CARS2: variants seen among roughly 807,000 people sequenced by gnomAD.
CARS2 encodes the protein probable cysteine--tRNA ligase, mitochondrial.
Under a neutral mutation model 68.8 loss-of-function variants are expected in CARS2, and 52 were observed. The ratio of observed to expected loss-of-function variants is 0.76; its 90% CI spans 0.61 to 0.95. The LOEUF (loss-of-function observed/expected upper bound fraction) is 0.95, where lower values mean the gene tolerates loss of function less well. CARS2 is among the 40% of genes least tolerant of loss of function. CARS2 has a pLI of 0.00. For synonymous variants in CARS2, 314 were observed against 303.6 expected, an observed-to-expected ratio of 1.03 and a Z score of -0.36; for missense variants, 780 against 754.2, an observed-to-expected ratio of 1.03 and a Z score of -0.40.
chr13:110,679,278 C>T (rs1261393264), intron 6 of CARS2, among the ~76,000 whole-genome samples: 1 of 151,934 alleles, frequency 6.6e-6, no homozygotes, highest in Non-Finnish European at 1.5e-5. Context: ...ACCTAGAATC[C>T]CAGCACTTTG....
At chr13:110,709,073 CTCTTTTT>C (rs1419362861), upstream of CARS2, among the ~76,000 whole-genome samples, 20 of 146,800 alleles carry the variant, frequency 1.4e-4, no homozygotes, top group South Asian at 6.5e-4. Flanking sequence ...ATTCTCTTTT[CTCTTTTT>C]TCTTTTTTTT....
chr13:110,659,497 C>CTTTTTTT (rs34169536), intron 9 of CARS2, among the ~76,000 whole-genome samples: 1 of 147,786 alleles, frequency 6.8e-6, no homozygotes, highest in Non-Finnish European at 1.5e-5. Flanking sequence ...CCCAGATCTC[C>CTTTTTTT]TTTTTTTTTT....
At chr13:110,669,686 G>A (rs2062748194) in intron 7 of CARS2, among the ~76,000 whole-genome samples, 1 of 152,102 alleles carries the variant, frequency 6.6e-6, no homozygotes, top group African/African-American at 2.4e-5. Flanking sequence ...TCCAACTGAG[G>A]TACTGGCTTC....
In CARS2 at chr13:110,668,319, G is replaced by A. The variant is rs375157518; in HGVS notation, c.786-846C>T. Among the ~76,000 whole-genome samples the A allele has an allele frequency of 2.2e-4, 34 of 152,266 alleles. No homozygotes were observed. The highest frequency in any genetic ancestry group is 2.1e-3 in the South Asian group (10 of 4,822). On this transcript the variant is annotated intron_variant, in intron 7 of 14. Coordinates refer to ENST00000257347, the MANE Select transcript of CARS2 (RefSeq NM_024537.4). The surrounding 1 kb of genome is among the most constrained non-coding windows in gnomAD (Gnocchi z 4.1). ...AGCACTTTGGGAGGCTGAGGCAGGC[G>A]GATCACAAGGTCAGGAGATCGAGAC... is the stretch of plus-strand genomic sequence containing the variant.
chr13:110,659,165 C>T (rs2062442461), intron 9 of CARS2, among the ~76,000 whole-genome samples: 1 of 152,104 alleles, frequency 6.6e-6, no homozygotes, highest in South Asian at 2.1e-4. Context: ...CACACACGCT[C>T]ACCACTCCCA....
intron 2 of CARS2, among the ~76,000 whole-genome samples, chr13:110,704,364 C>T (rs953686935): frequency 2.6e-5 from 4 of 152,186 alleles, no homozygotes; most frequent in Admixed American, 1.3e-4. Flanking sequence ...AGAAAGATGT[C>T]GAAATATGCT....
chr13:110,687,842 G>A lies in CARS2; in HGVS notation c.466-16C>T, dbSNP rs1298645678. 1 of 1,581,730 alleles carries A rather than the reference G, an allele frequency of 6.3e-7. No individual in the cohort carries two copies. The highest frequency in any genetic ancestry group is 8.7e-7 in the Non-Finnish European group (1 of 1,151,608). ...GTGGGAGAACCTGCAAGGAAGTGGA[G>A]ACGTGACCGTGTTTCCCTCGTGAGA... On this transcript the variant is annotated splice_polypyrimidine_tract_variant and intron_variant, in intron 4 of 14. Transcript: ENST00000257347.
chr13:110,646,136 T>C lies in CARS2; in HGVS notation c.1194-46A>G, dbSNP rs746437073. ...AGTCACAGCAGAGGGAGCTCCACTC[T>C]CCCCAGGCGGCCCCCACACCAGTCC... On this transcript the variant is annotated intron_variant, in intron 11 of 14. Coordinates refer to ENST00000257347, the MANE Select transcript of CARS2 (RefSeq NM_024537.4). 1.3e-6 allele frequency: 2 copies of C among 1,578,842 alleles called. 1 individual carries two copies. The highest frequency in any genetic ancestry group is 1.7e-6 in the Non-Finnish European group (2 of 1,164,620).
intron 9 of CARS2, among the ~76,000 whole-genome samples, chr13:110,655,599 C>T (rs568152079): frequency 3.5e-4 from 54 of 152,322 alleles, no homozygotes; most frequent in Middle Eastern, 3.4e-3. Flanking sequence ...GAAAACTAAC[C>T]GCTGCTTCAG....
At chr13:110,711,318 T>A (rs2064025452), upstream of CARS2, among the ~76,000 whole-genome samples, 1 of 152,168 alleles carries the variant, frequency 6.6e-6, no homozygotes, top group Non-Finnish European at 1.5e-5. Flanking sequence ...TAGGTTCAAG[T>A]GATTCTGTCT....
Position 110,687,787 on chromosome 13 carries a change from T to C in CARS2, c.505A>G (p.Ile169Val). The C allele has an allele frequency of 6.2e-7, 1 of 1,612,732 alleles. No individual in the cohort carries two copies. The highest frequency in any genetic ancestry group is 8.5e-7 in the Non-Finnish European group (1 of 1,179,398). Reference sequence around the variant, plus strand: ...TCAATGAAAGAAATTATCTGAGGAATATTTTCGGTTACCCTCAGGTACACC... The same window carrying C: ...TCAATGAAAGAAATTATCTGAGGAACATTTTCGGTTACCCTCAGGTACACC... ...PTVYLRVTEN[I>V]PQIISFIEGI... Residue 169 changes from isoleucine (I) to valine (V), a missense_variant, in exon 5 of 15, where the codon ATT (isoleucine) becomes GTT (valine). Transcript: ENST00000257347.
intron 6 of CARS2, among the ~76,000 whole-genome samples, chr13:110,678,401 C>G (rs1385250640): frequency 6.6e-6 from 1 of 152,178 alleles, no homozygotes; most frequent in African/African-American, 2.4e-5. Flanking sequence ...CAGGCACACC[C>G]CATGTGCACA....
At chr13:110,649,928 CGACT>C (rs1479830535) in intron 10 of CARS2, among the ~76,000 whole-genome samples, 1 of 116,890 alleles carries the variant, frequency 8.6e-6, no homozygotes, top group Admixed American at 1.0e-4. Context: ...CTCTGGATAA[CGACT>C]TTTTTTTTTT....
intron 6 of CARS2, chr13:110,678,060 G>C (rs1290807254): frequency 6.6e-6 from 1 of 152,400 alleles, no homozygotes; most frequent in African/African-American, 2.4e-5. Flanking sequence ...AGGAGCACCG[G>C]CAACGCTTTC....
intron 14 of CARS2, among the ~76,000 whole-genome samples, 160 bp downstream of exon 14, chr13:110,642,155 C>T (rs902681741): frequency 3.9e-5 from 6 of 152,242 alleles, no homozygotes; most frequent in Middle Eastern, 3.4e-3. Flanking sequence ...TGTGGTGAGC[C>T]GAGATCACGC....
At chr13:110,712,871 G>T in intron 1 of CARS2, 1 of 1,342,180 alleles carries the variant, frequency 7.5e-7, no homozygotes, top group Non-Finnish European at 1.0e-6. Context: ...TCTCCAAGCC[G>T]TTCCAAACTG....
intron 9 of CARS2, among the ~76,000 whole-genome samples, chr13:110,655,093 A>T (rs1204273861): frequency 6.6e-6 from 1 of 152,150 alleles, no homozygotes; most frequent in Non-Finnish European, 1.5e-5. Flanking sequence ...GCTCTATCCA[A>T]AACATTCCGA....
At chr13:110,664,581 A>G in intron 8 of CARS2, 2 of 964,444 alleles carry the variant, frequency 2.1e-6, no homozygotes, top group South Asian at 4.8e-5. Context: ...AAAAACATAT[A>G]TAACTTTGAA....
intron 3 of CARS2, among the ~76,000 whole-genome samples, chr13:110,690,823 G>A (rs2063438278): frequency 6.6e-6 from 1 of 152,178 alleles, no homozygotes. Context: ...TCACCTGCAG[G>A]GTCAGCCAAC....
Sources: gnomAD v4.1 joint callset for allele counts (sites outside exome capture counted in the v4.1 genomes callset) on GRCh38, gnomAD v4.1.1 for gene constraint, Gnocchi (gnomAD v3.1) non-coding constraint, MANE v1.5 for transcripts, NCBI Gene and HGNC (gene_info 2026-07-23, HGNC 2026-07-21) for gene names.